Variants in BUB3 observed in about 807,000 individuals in gnomAD.
The protein encoded by BUB3 is mitotic checkpoint protein BUB3.
In BUB3, 22 loss-of-function variants were observed where a neutral mutation model predicts 39.9. The observed-to-expected ratio is 0.55, with a 90% confidence interval of 0.39 to 0.79. BUB3 has a LOEUF of 0.79. Among genes scored for constraint, BUB3 ranks in the 30% least tolerant of loss-of-function variants. BUB3 has a pLI of 0.00. For missense variants in BUB3, 303 were observed against 415.4 expected, an observed-to-expected ratio of 0.73 and a Z score of 2.35; for synonymous variants, 168 against 155.1, an observed-to-expected ratio of 1.08 and a Z score of -0.62.
chr10:123,170,192 C>G lies in BUB3; in HGVS notation c.*6357C>G, dbSNP rs978691723. The G allele has an allele frequency of 6.6e-6, 1 of 152,206 alleles. No individual in the cohort carries two copies. Among genetic ancestry groups the G allele is most frequent in the Non-Finnish European group, 1.5e-5 (1 of 68,038 alleles). The allele number at this position is 152,206 out of a possible 1,614,324, so 9.4% of individuals were successfully genotyped here. A position where few individuals can be genotyped will look rare whatever the true frequency, so the allele number is the denominator to read the frequency against. The stretch of plus-strand genomic sequence containing the variant: ...TGACAGTGAGTTGAAAATATCTACT[C>G]TCTTTGGATGAAAAATATTTAACAC... On this transcript the variant is annotated 3_prime_UTR_variant, in exon 8 of 8. Transcript: ENST00000368865.
chr10:123,154,581 T>G, intron 1 of BUB3, 96 bp downstream of exon 1: 1 of 211,354 alleles, frequency 4.7e-6, no homozygotes, highest in Non-Finnish European at 9.4e-6. Context: ...GGGATCCCGT[T>G]TCGTTTCTGT....
intron 4 of BUB3, among the ~76,000 whole-genome samples, chr10:123,160,188 A>C (rs994077841): frequency 6.6e-6 from 1 of 152,224 alleles, no homozygotes; most frequent in Admixed American, 6.5e-5. Flanking sequence ...AATGTACATT[A>C]TATGATGCTT....
intron 6 of BUB3, 22 bp from the exon 7 acceptor site, chr10:123,162,590 A>G: frequency 6.3e-7 from 1 of 1,596,744 alleles, no homozygotes; most frequent in Non-Finnish European, 8.5e-7. Context: ...AACCATTTTA[A>G]CTGTTTTGAA....
In BUB3 at chr10:123,170,358, A is replaced by G. The variant is rs1388283466; in HGVS notation, c.*6523A>G. The G allele has an allele frequency of 6.6e-6, 1 of 152,234 alleles. No homozygotes were observed. The highest frequency in any genetic ancestry group is 2.4e-5 in the African/African-American group (1 of 41,454). 9.4% of individuals were successfully genotyped at this position (152,234 alleles called of 1,614,324 possible). The stretch of plus-strand genomic sequence containing the variant: ...TTAAAATATTTATGAACTATTTCAA[A>G]CATTCAGAAAAACTCAGGATCATAC... On this transcript the variant is annotated 3_prime_UTR_variant, in exon 8 of 8. Transcript: ENST00000368865.
At position 123,165,347 on chromosome 10, in the gene BUB3, G is replaced by C. The variant is rs1243041755; in HGVS notation, c.*1512G>C. The C allele has an allele frequency of 3.2e-6, 1 of 312,120 alleles. No individual in the cohort carries two copies. Among genetic ancestry groups the C allele is most frequent in the Non-Finnish European group, 5.8e-6 (1 of 171,524 alleles). 19.3% of individuals were successfully genotyped at this position (312,120 alleles called of 1,614,324 possible). On this transcript the variant is annotated 3_prime_UTR_variant, in exon 8 of 8. Transcript: ENST00000368865. Reference sequence around the variant, plus strand: ...ACCTGTTATTTCTGTGCTAATAAACGAGATGCAGAACCCTTGAATGTTGGA... The same window carrying C: ...ACCTGTTATTTCTGTGCTAATAAACCAGATGCAGAACCCTTGAATGTTGGA...
chr10:123,154,483 A>T lies in BUB3; in HGVS notation c.-3A>T. On this transcript the variant is annotated splice_region_variant and 5_prime_UTR_variant, in exon 1 of 8. Transcript: ENST00000368865. ...GAAACGTTGCTTCTGAGGGGAGCCC[A>T]AGGTAGGGAGGCGAGGCGACGGTGT... 1 of 159,180 alleles carries T rather than the reference A, an allele frequency of 6.3e-6. No homozygotes were observed. The highest frequency in any genetic ancestry group is 1.9e-4 in the East Asian group (1 of 5,320). 9.9% of individuals were successfully genotyped at this position (159,180 alleles called of 1,614,324 possible).
At position 123,169,502 on chromosome 10, in the gene BUB3, C is replaced by T. The variant is rs1380863145; in HGVS notation, c.*5667C>T. 1 of 152,188 alleles carries T rather than the reference C, an allele frequency of 6.6e-6. No individual in the cohort carries two copies. Among genetic ancestry groups the T allele is most frequent in the Non-Finnish European group, 1.5e-5 (1 of 68,034 alleles). The allele number at this position is 152,188 out of a possible 1,614,324, so 9.4% of individuals were successfully genotyped here. On this transcript the variant is annotated 3_prime_UTR_variant, in exon 8 of 8. Coordinates refer to ENST00000368865, the MANE Select transcript of BUB3 (RefSeq NM_004725.4). The stretch of plus-strand genomic sequence containing the variant: ...CTTGGCCAACCTTTGGTCTTCACAG[C>T]CACTGCCCTGGTAGTAAGGGACTTA...
In BUB3 at chr10:123,158,001, G is replaced by A. The variant is rs373148123; in HGVS notation, c.417+121G>A. On this transcript the variant is annotated intron_variant, in intron 4 of 7. Coordinates refer to ENST00000368865, the MANE Select transcript of BUB3 (RefSeq NM_004725.4). ...AAAAGTCAACATGGGGGGAAAAAAGGTTGACAGTTGGTTTTATAAATCCAA... is the reference window on the plus strand; with the variant it reads ...AAAAGTCAACATGGGGGGAAAAAAGATTGACAGTTGGTTTTATAAATCCAA... 286 of 1,092,692 alleles carry A rather than the reference G, an allele frequency of 2.6e-4. 1 individual carries two copies. The highest frequency in any genetic ancestry group is 1.1e-4 in the African/African-American group (7 of 62,542). The allele number at this position is 1,092,692 out of a possible 1,614,324, so 67.7% of individuals were successfully genotyped here. A position where few individuals can be genotyped will look rare whatever the true frequency, so the allele number is the denominator to read the frequency against.
Position 123,166,395 on chromosome 10 carries a change from A to G in BUB3, c.*2560A>G, listed in dbSNP as rs937053578. 1.3e-5 allele frequency: 2 copies of G among 152,236 alleles called. No homozygotes were observed. The highest frequency in any genetic ancestry group is 2.9e-5 in the Non-Finnish European group (2 of 68,052). 9.4% of individuals were successfully genotyped at this position (152,236 alleles called of 1,614,324 possible). ...GAACACAGAGGTCAGTATATTATAC[A>G]TGACAGAAGGATCCTGAAATATGAC... On this transcript the variant is annotated 3_prime_UTR_variant, in exon 8 of 8. Coordinates refer to ENST00000368865, the MANE Select transcript of BUB3 (RefSeq NM_004725.4).
At chr10:123,157,602 A>C (rs1165948771) in intron 3 of BUB3, 127 bp from the exon 4 acceptor site, 23 of 1,076,066 alleles carry the variant, frequency 2.1e-5, no homozygotes, top group Non-Finnish European at 3.0e-5. Context: ...AGACATTTCC[A>C]TGGGGTTGGA....
intron 5 of BUB3, 44 bp downstream of exon 5, chr10:123,160,609 T>C (rs1844408989): frequency 7.5e-6 from 11 of 1,457,894 alleles, no homozygotes; most frequent in Non-Finnish European, 9.1e-6. Context: ...TTGAAAATAA[T>C]ATGATCTTAT....
intron 6 of BUB3, 59 bp downstream of exon 6, chr10:123,162,472 A>G (rs182080469): frequency 2.3e-5 from 36 of 1,583,504 alleles, no homozygotes; most frequent in Non-Finnish European, 2.9e-5. Flanking sequence ...CTTGCTTTTT[A>G]TGGTATTTAG....
At chr10:123,155,174 G>T (rs1564781365) in intron 2 of BUB3, 62 bp downstream of exon 2, 2 of 1,547,066 alleles carry the variant, frequency 1.3e-6, no homozygotes, top group East Asian at 4.5e-5. Context: ...CACGTGAGGA[G>T]CGTTTCTTTT....
chr10:123,163,016 A>C, intron 7 of BUB3, 188 bp downstream of exon 7: 1 of 591,772 alleles, frequency 1.7e-6, no homozygotes, highest in Non-Finnish European at 2.9e-6. Flanking sequence ...CTGATGGATA[A>C]AATTGTGCCT....
chr10:123,162,207 A>C, intron 5 of BUB3, 29 bp from the exon 6 acceptor site: 1 of 1,588,916 alleles, frequency 6.3e-7, no homozygotes, highest in Non-Finnish European at 8.6e-7. Context: ...GGAATTTACC[A>C]TTTTTTTCCT....
intron 3 of BUB3, 93 bp downstream of exon 3, chr10:123,155,820 G>T: frequency 8.2e-7 from 1 of 1,212,868 alleles, no homozygotes; most frequent in Non-Finnish European, 1.2e-6. Flanking sequence ...AAATTGCTTA[G>T]TTACTAAGTT....
chr10:123,163,620 G>A (rs1175972739), intron 7 of BUB3, among the ~76,000 whole-genome samples, 200 bp from the exon 8 acceptor site: 1 of 152,200 alleles, frequency 6.6e-6, no homozygotes, highest in Non-Finnish European at 1.5e-5. Context: ...CTTGCTGATT[G>A]GTTGAGCCCC....
At position 123,168,072 on chromosome 10, in the gene BUB3, G is replaced by A. The variant is rs1003370558; in HGVS notation, c.*4237G>A. 2.6e-5 allele frequency: 4 copies of A among 152,054 alleles called. No individual in the cohort carries two copies. Among genetic ancestry groups the A allele is most frequent in the African/African-American group, 9.7e-5 (4 of 41,410 alleles). The allele number at this position is 152,054 out of a possible 1,614,324, so 9.4% of individuals were successfully genotyped here. ...CGCCTCTTGCCTCCCTAAGAGCTGGGATTATAGGCGTGAGCCACCCCACCC... is the reference window on the plus strand; with the variant it reads ...CGCCTCTTGCCTCCCTAAGAGCTGGAATTATAGGCGTGAGCCACCCCACCC... On this transcript the variant is annotated 3_prime_UTR_variant, in exon 8 of 8. Transcript: ENST00000368865.
intron 3 of BUB3, among the ~76,000 whole-genome samples, chr10:123,156,781 CTG>C (rs943701810): frequency 1.6e-5 from 2 of 125,694 alleles, no homozygotes; most frequent in African/African-American, 6.3e-5. Flanking sequence ...GAGTCTCACT[CTG>C]TTGACCAGGC....
Sources: gnomAD v4.1 joint callset for allele counts (sites outside exome capture counted in the v4.1 genomes callset) on GRCh38, gnomAD v4.1.1 for gene constraint, MANE v1.5 for transcripts, NCBI Gene and HGNC (gene_info 2026-07-23, HGNC 2026-07-21) for gene names.